The following MAD1L1 variants were observed in gnomAD, a reference collection of about 807,000 sequenced individuals.
The protein encoded by MAD1L1 is mitotic arrest deficient 1 like 1.
In MAD1L1, 95 loss-of-function variants were observed where a neutral mutation model predicts 96.9. The ratio of observed to expected loss-of-function variants is 0.98; its 90% CI spans 0.83 to 1.16. The LOEUF is 1.16. Among genes scored for constraint, MAD1L1 ranks in the 50% most tolerant of loss-of-function variants. The probability of loss-of-function intolerance (pLI) is 0.00; values close to 1 mark genes in which losing one functional copy is unlikely to be tolerated. For synonymous variants in MAD1L1, 473 were observed against 396.6 expected (o/e 1.19, Z -2.29); for missense variants, 1,007 against 954.4 (o/e 1.06, Z -0.73).
chr7:1,949,280 A>G (rs1779377676), intron 16 of MAD1L1, among the ~76,000 whole-genome samples: 1 of 152,218 alleles, frequency 6.6e-6, no homozygotes, highest in South Asian at 2.1e-4. Flanking sequence ...GGGCGGGTTA[A>G]CGGACGTGCA....
intron 14 of MAD1L1, among the ~76,000 whole-genome samples, chr7:1,995,657 C>A (rs578122872): frequency 1.5e-3 from 233 of 152,320 alleles, no homozygotes; most frequent in African/African-American, 5.2e-3. Context: ...CCAGACACAT[C>A]CCTGGCCCCA....
At chr7:1,988,068 G>A (rs1308044514) in intron 14 of MAD1L1, among the ~76,000 whole-genome samples, 1 of 152,248 alleles carries the variant, frequency 6.6e-6, no homozygotes, top group Admixed American at 6.5e-5. Flanking sequence ...GCGAGGAGCG[G>A]CAGGAGGCCC....
chr7:2,156,111 T>A (rs942504229), intron 10 of MAD1L1, among the ~76,000 whole-genome samples: 1 of 152,036 alleles, frequency 6.6e-6, no homozygotes, highest in Non-Finnish European at 1.5e-5. Context: ...TCACGGCGCG[T>A]GTGGCGAGGG....
chr7:1,938,840 G>GCGCA (rs371580945), intron 16 of MAD1L1, among the ~76,000 whole-genome samples: 56 of 90,986 alleles, frequency 6.2e-4, no homozygotes, highest in African/African-American at 1.3e-3. Flanking sequence ...GGGGCCAGAG[G>GCGCA]CACACACACA....
At chr7:2,021,492 C>T (rs768349001) in intron 12 of MAD1L1, among the ~76,000 whole-genome samples, 3 of 152,196 alleles carry the variant, frequency 2.0e-5, no homozygotes, top group Admixed American at 6.5e-5. Context: ...GCGGGGCACA[C>T]TGGCTCACAC....
At chr7:2,032,790 T>A (rs1783287757) in intron 12 of MAD1L1, among the ~76,000 whole-genome samples, 1 of 152,062 alleles carries the variant, frequency 6.6e-6, no homozygotes, top group Non-Finnish European at 1.5e-5. Context: ...GCCGGCCTGC[T>A]CTCCCAGAAC....
At chr7:2,161,187 G>A (rs1005356713) in intron 10 of MAD1L1, among the ~76,000 whole-genome samples, 6 of 46,352 alleles carry the variant, frequency 1.3e-4, no homozygotes, top group African/African-American at 4.3e-4. Flanking sequence ...CCGCCATCTC[G>A]ACTCACTGCA....
intron 15 of MAD1L1, among the ~76,000 whole-genome samples, chr7:1,959,997 T>C (rs1468757343): frequency 6.6e-6 from 1 of 152,150 alleles, no homozygotes; most frequent in East Asian, 1.9e-4. Flanking sequence ...GGGGATTTAA[T>C]ATATAGAATA....
At position 1,847,266 on chromosome 7, in the gene MAD1L1, C is replaced by A. The variant is rs148569057; in HGVS notation, c.1999-31038G>T. On this transcript the variant is annotated intron_variant, in intron 18 of 18. Transcript: ENST00000265854. ...TGTTTAGGAAGCACTGGTTTTCTTT[C>A]GGGACACAACCGAACGTGCCAGGAC... 7 of 470,858 alleles carry A rather than the reference C, an allele frequency of 1.5e-5. No individual in the cohort carries two copies. The East Asian group carries it at 4.9e-4, about 33-fold the overall frequency. The allele number at this position is 470,858 out of a possible 1,614,324, so 29.2% of individuals were successfully genotyped here. A position where few individuals can be genotyped will look rare whatever the true frequency, so the allele number is the denominator to read the frequency against.
At chr7:2,118,151 A>T (rs932138321) in intron 11 of MAD1L1, among the ~76,000 whole-genome samples, 4 of 151,594 alleles carry the variant, frequency 2.6e-5, no homozygotes, top group South Asian at 4.2e-4. Context: ...CCAGCCGGCC[A>T]CTCCTGACCA....
At chr7:2,010,200 T>C (rs755227730) in intron 13 of MAD1L1, among the ~76,000 whole-genome samples, 1 of 148,576 alleles carries the variant, frequency 6.7e-6, no homozygotes, top group Non-Finnish European at 1.5e-5. Flanking sequence ...CCCGAGGCCC[T>C]GAAGATCAGG....
At chr7:2,176,229 T>C (rs966013563) in intron 10 of MAD1L1, among the ~76,000 whole-genome samples, 1 of 152,046 alleles carries the variant, frequency 6.6e-6, no homozygotes, top group Non-Finnish European at 1.5e-5. Flanking sequence ...ATGCCTGTAA[T>C]CCCAGCTACT....
intron 17 of MAD1L1, among the ~76,000 whole-genome samples, chr7:1,914,946 G>C (rs1490523952): frequency 6.6e-6 from 1 of 152,214 alleles, no homozygotes. Context: ...GTGCTGGTTT[G>C]TCATGGCAGC....
chr7:2,102,853 G>C (rs1176291722), intron 11 of MAD1L1, among the ~76,000 whole-genome samples: 1 of 152,184 alleles, frequency 6.6e-6, no homozygotes. Context: ...CTCAGCATGA[G>C]ACGCATCCTT....
chr7:2,220,973 G>C (rs747816666), intron 5 of MAD1L1: 1 of 1,612,512 alleles, frequency 6.2e-7, no homozygotes, highest in Non-Finnish European at 8.5e-7. Flanking sequence ...AGTTGGCAAG[G>C]AAGAGGCGCA....
At chr7:2,178,437 C>A (rs1158730951) in intron 10 of MAD1L1, among the ~76,000 whole-genome samples, 3 of 152,172 alleles carry the variant, frequency 2.0e-5, no homozygotes, top group East Asian at 3.8e-4. Flanking sequence ...GCACATGCAG[C>A]CAACAGCAAC....
intron 2 of MAD1L1, 56 bp from the exon 3 acceptor site, chr7:2,230,199 C>T (rs1376665570): frequency 1.4e-6 from 2 of 1,461,414 alleles, no homozygotes; most frequent in Non-Finnish European, 1.9e-6. Context: ...TGCCATCAGC[C>T]GTGCAGTCAG....
At chr7:2,226,965 T>C (rs561368947) in intron 3 of MAD1L1, among the ~76,000 whole-genome samples, 55 of 149,784 alleles carry the variant, frequency 3.7e-4, no homozygotes, top group Non-Finnish European at 6.4e-4. Flanking sequence ...CCAGCCTGGA[T>C]GACAGGGCAA....
chr7:2,013,301 G>A (rs1782383502), intron 13 of MAD1L1, among the ~76,000 whole-genome samples: 1 of 152,224 alleles, frequency 6.6e-6, no homozygotes, highest in Admixed American at 6.5e-5. Context: ...CCACACCGAT[G>A]CCATCATCTG....
Sources: gnomAD v4.1 joint callset for allele counts (sites outside exome capture counted in the v4.1 genomes callset) on GRCh38, gnomAD v4.1.1 for gene constraint, MANE v1.5 for transcripts, NCBI Gene and HGNC (gene_info 2026-07-23, HGNC 2026-07-21) for gene names.